The following KLF15 variants were observed in gnomAD, a reference collection of about 807,000 sequenced individuals.
KLF15 encodes Krueppel-like factor 15.
A neutral mutation model predicts 24.6 loss-of-function variants in KLF15; 4 were observed. That is an observed-to-expected ratio of 0.16 (90% confidence interval 0.08 to 0.37). The LOEUF (loss-of-function observed/expected upper bound fraction) is 0.37. KLF15 is among the 10% of genes least tolerant of loss of function. The probability of loss-of-function intolerance (pLI) is 1.00; values close to 1 mark genes in which losing one functional copy is unlikely to be tolerated. For synonymous variants in KLF15, 246 were observed against 236.3 expected (o/e 1.04, Z -0.37); for missense variants, 496 against 560.6 (o/e 0.88, Z 1.16).
the KLF15 span, among the ~76,000 whole-genome samples, chr3:126,300,939 C>T: frequency 6.6e-6 from 1 of 152,198 alleles, no homozygotes; most frequent in Admixed American, 6.5e-5. Context: ...ATCCAGGCCA[C>T]ACATCACTGG....
Position 126,352,962 on chromosome 3 carries a change from C to T in KLF15, c.-25-15G>A. The T allele has an allele frequency of 1.9e-6, 3 of 1,562,190 alleles. No individual in the cohort carries two copies. The highest frequency in any genetic ancestry group is 2.6e-6 in the Non-Finnish European group (3 of 1,152,852). Reference sequence around the variant, plus strand: ...GCCGGTGGCGGCTGCAGGAAAGGAACACAGGAGGCCTGGTCAGAAGGACAG... The same window carrying T: ...GCCGGTGGCGGCTGCAGGAAAGGAATACAGGAGGCCTGGTCAGAAGGACAG... On this transcript the variant is annotated splice_polypyrimidine_tract_variant and intron_variant, in intron 1 of 2. Coordinates refer to ENST00000296233, the MANE Select transcript of KLF15 (RefSeq NM_014079.4).
At chr3:126,302,366 A>T in the KLF15 span, among the ~76,000 whole-genome samples, 8 of 152,116 alleles carry the variant, frequency 5.3e-5, no homozygotes, top group Non-Finnish European at 7.4e-5. Flanking sequence ...TATTGAATTG[A>T]GTGTTCTATA....
chr3:126,343,171 C>T lies in KLF15; in HGVS notation c.*556G>A, dbSNP rs1013332478. The T allele has an allele frequency of 1.5e-4, 7 of 45,572 alleles. 3 individuals carry two copies. Among genetic ancestry groups the T allele is most frequent in the African/African-American group, 3.3e-4 (5 of 15,100 alleles). 2.8% of individuals were successfully genotyped at this position (45,572 alleles called of 1,614,324 possible). A position where few individuals can be genotyped will look rare whatever the true frequency, so the allele number is the denominator to read the frequency against. On this transcript the variant is annotated 3_prime_UTR_variant, in exon 3 of 3. Coordinates refer to ENST00000296233, the MANE Select transcript of KLF15 (RefSeq NM_014079.4). ...GGTCCTGCCCCCCCCCCCCCCCCCC[C>T]CCCCCCCCGGCTCCAGGGACCTGCC...
At chr3:126,298,717 C>T in the KLF15 span, among the ~76,000 whole-genome samples, 1 of 152,114 alleles carries the variant, frequency 6.6e-6, no homozygotes, top group African/African-American at 2.4e-5. Context: ...ATTTGTTGAA[C>T]AGGGTGTCCT....
the KLF15 span, among the ~76,000 whole-genome samples, chr3:126,314,986 G>A: frequency 2.3e-4 from 35 of 152,318 alleles, no homozygotes; most frequent in African/African-American, 8.2e-4. Context: ...CTGGGGGAAG[G>A]AAGTCCAGGA....
chr3:126,343,466 G>T lies in KLF15; in HGVS notation c.*261C>A, dbSNP rs559600749. On this transcript the variant is annotated 3_prime_UTR_variant, in exon 3 of 3. Transcript: ENST00000296233. ...GCAGAGGCCTGGCCACCGCGGGAAG[G>T]CACGAAGGCACGAAGGCACGAAGGC... 2.3e-6 allele frequency: 1 copy of T among 440,516 alleles called. No homozygotes were observed. 27.3% of individuals were successfully genotyped at this position (440,516 alleles called of 1,614,324 possible).
the KLF15 span, among the ~76,000 whole-genome samples, chr3:126,297,949 C>A: frequency 1.3e-5 from 2 of 152,132 alleles, no homozygotes; most frequent in South Asian, 2.1e-4. Flanking sequence ...GCTTCTTTTC[C>A]TCTGGGTAGG....
chr3:126,300,877 C>T, the KLF15 span, among the ~76,000 whole-genome samples: 2 of 152,294 alleles, frequency 1.3e-5, no homozygotes, highest in Non-Finnish European at 2.9e-5. Flanking sequence ...CCTTAATGCA[C>T]GGAGGGTCCG....
the KLF15 span, among the ~76,000 whole-genome samples, chr3:126,319,028 G>C: frequency 2.6e-5 from 4 of 152,186 alleles, no homozygotes; most frequent in African/African-American, 9.7e-5. Flanking sequence ...GCTTTTTCCA[G>C]ATTGTCACAG....
the KLF15 span, among the ~76,000 whole-genome samples, chr3:126,307,030 CAACT>C: frequency 6.6e-6 from 1 of 152,196 alleles, no homozygotes; most frequent in Non-Finnish European, 1.5e-5. Context: ...TGCTCTTAAC[CAACT>C]ATCTTTCCAG....
chr3:126,311,045 G>A, the KLF15 span, among the ~76,000 whole-genome samples: 1 of 152,306 alleles, frequency 6.6e-6, no homozygotes, highest in Non-Finnish European at 1.5e-5. Context: ...CAGGGTGAGG[G>A]CAGTGCAGGG....
chr3:126,326,492 GT>G, the KLF15 span, among the ~76,000 whole-genome samples: 1 of 152,200 alleles, frequency 6.6e-6, no homozygotes, highest in Admixed American at 6.5e-5. Flanking sequence ...ATAAATTGTG[GT>G]GCCCAGAAAC....
chr3:126,322,206 C>T, the KLF15 span, among the ~76,000 whole-genome samples: 7 of 151,586 alleles, frequency 4.6e-5, no homozygotes, highest in Non-Finnish European at 8.8e-5. Flanking sequence ...CTTACTGCAG[C>T]TGTAACAATG....
chr3:126,300,003 GCC>G, the KLF15 span, among the ~76,000 whole-genome samples: 5 of 152,130 alleles, frequency 3.3e-5, no homozygotes, highest in African/African-American at 1.2e-4. Flanking sequence ...GGGTGTACGT[GCC>G]CCCACGTGTG....
downstream of KLF15, among the ~76,000 whole-genome samples, chr3:126,342,456 G>C (rs571689449): frequency 7.2e-5 from 11 of 152,296 alleles, no homozygotes; most frequent in South Asian, 2.3e-3. Context: ...CTGGCCTGGA[G>C]CTGAGCTGTA....
At chr3:126,319,205 T>C in the KLF15 span, among the ~76,000 whole-genome samples, 9 of 152,356 alleles carry the variant, frequency 5.9e-5, no homozygotes, top group Middle Eastern at 3.4e-3. Context: ...AAGGACATGT[T>C]GGTTGCTTCC....
At position 126,357,335 on chromosome 3, in the gene KLF15, G is replaced by A. The variant is rs2082642055; in HGVS notation, c.-124C>T. 1 of 147,036 alleles carries A rather than the reference G, an allele frequency of 6.8e-6. No homozygotes were observed. The highest frequency in any genetic ancestry group is 2.4e-5 in the African/African-American group (1 of 40,852). 9.1% of individuals were successfully genotyped at this position (147,036 alleles called of 1,614,324 possible). On this transcript the variant is annotated 5_prime_UTR_variant, in exon 1 of 3. Coordinates refer to ENST00000296233, the MANE Select transcript of KLF15 (RefSeq NM_014079.4). ...GCGGCTAGACTCTCGGTCCGGCGGC[G>A]GCCGGGGGCCGAGCCGCGGGTCCTG...
rs1560041757 is a variant in KLF15 at position 126,352,826 on chromosome 3, GA to G, written c.96del (p.His33ThrfsTer83). 6.2e-7 allele frequency: 1 copy of G among 1,606,928 alleles called. No homozygotes were observed. The highest frequency in any genetic ancestry group is 8.5e-7 in the Non-Finnish European group (1 of 1,176,992). ...TCAGAGACGGGTGAGGGCAGCATGT[GA>G]TATGCCCGCCGGCCAACCAGCCTAT... ...LGDRLVGRRA[Y>X]HMLPSPVSED... is the part of the protein sequence containing the mutation. On this transcript the variant is annotated frameshift_variant, in exon 2 of 3. Transcript: ENST00000296233. LOFTEE classifies it high-confidence loss of function.
the KLF15 span, among the ~76,000 whole-genome samples, chr3:126,314,570 T>C: frequency 3.4e-3 from 515 of 152,292 alleles, 4 homozygotes; most frequent in African/African-American, 0.012. Context: ...CCCACACCTC[T>C]GTGCCCCAGG....
Sources: allele counts gnomAD v4.1 joint callset (sites outside exome capture counted in the v4.1 genomes callset), GRCh38; gene constraint gnomAD v4.1.1; transcripts MANE v1.5; gene names NCBI Gene and HGNC (gene_info 2026-07-23, HGNC 2026-07-21).